PTPN14: variants seen among roughly 807,000 people sequenced by gnomAD.
PTPN14 encodes the protein protein tyrosine phosphatase non-receptor type 14, also known as tyrosine-protein phosphatase non-receptor type 14.
In PTPN14, 53 loss-of-function variants were observed where a neutral mutation model predicts 126.8. That is an observed-to-expected ratio of 0.42 (90% CI 0.34 to 0.53). The LOEUF (loss-of-function observed/expected upper bound fraction) is 0.53. Among genes scored for constraint, PTPN14 ranks in the 20% least tolerant of loss-of-function variants. The pLI is 0.08. For missense variants in PTPN14, 1,257 were observed against 1,552.9 expected, an observed-to-expected ratio of 0.81 and a Z score of 3.20; for synonymous variants, 630 against 599.3, an observed-to-expected ratio of 1.05 and a Z score of -0.75.
intron 1 of PTPN14, among the ~76,000 whole-genome samples, chr1:214,541,574 G>C (rs539496062): frequency 6.3e-4 from 96 of 152,270 alleles, no homozygotes; most frequent in African/African-American, 2.0e-3. Flanking sequence ...AACTCCAAGA[G>C]GGCTTTCGCA....
intron 1 of PTPN14, among the ~76,000 whole-genome samples, chr1:214,515,189 G>A (rs1175589447): frequency 6.6e-6 from 1 of 152,106 alleles, no homozygotes; most frequent in African/African-American, 2.4e-5. Context: ...CCTTATTTCA[G>A]TGATTAAAGA....
intron 3 of PTPN14, among the ~76,000 whole-genome samples, chr1:214,431,125 T>C (rs1237083406): frequency 6.6e-6 from 1 of 152,034 alleles, no homozygotes; most frequent in Non-Finnish European, 1.5e-5. Flanking sequence ...CACAGACAAG[T>C]AAAATAGGGC....
At chr1:214,387,688 A>AAG (rs1553260949) in intron 11 of PTPN14, among the ~76,000 whole-genome samples, 8 of 151,412 alleles carry the variant, frequency 5.3e-5, no homozygotes, top group Admixed American at 4.6e-4. Flanking sequence ...AAAAAAAAAA[A>AAG]AAAGAAAGAA....
chr1:214,479,594 C>T (rs376239135), intron 1 of PTPN14, among the ~76,000 whole-genome samples: 25 of 152,184 alleles, frequency 1.6e-4, no homozygotes, highest in African/African-American at 5.3e-4. Context: ...CCACCTCAGC[C>T]TCCCAAATTG....
At chr1:214,414,517 A>T in intron 4 of PTPN14, 112 bp downstream of exon 4, 1 of 933,956 alleles carries the variant, frequency 1.1e-6, no homozygotes, top group South Asian at 1.6e-5. Context: ...ATAAAAAGGG[A>T]GCATTACTAA....
chr1:214,488,310 T>C (rs1661159982), intron 1 of PTPN14, among the ~76,000 whole-genome samples: 1 of 152,224 alleles, frequency 6.6e-6, no homozygotes, highest in South Asian at 2.1e-4. Flanking sequence ...TCACGTACCT[T>C]GTAGGGGCCA....
intron 8 of PTPN14, among the ~76,000 whole-genome samples, chr1:214,396,311 C>G (rs1296150552): frequency 2.0e-5 from 3 of 152,136 alleles, no homozygotes; most frequent in Non-Finnish European, 4.4e-5. Flanking sequence ...GGGTTTCCAG[C>G]CTTTCCTCCA....
rs1239907153 is a variant in PTPN14 at position 214,353,481 on chromosome 1, A to G, written c.*4441T>C. 2 of 152,212 alleles carry G rather than the reference A, an allele frequency of 1.3e-5. No homozygotes were observed. Among genetic ancestry groups the G allele is most frequent in the Non-Finnish European group, 2.9e-5 (2 of 68,034 alleles). 9.4% of individuals were successfully genotyped at this position (152,212 alleles called of 1,614,324 possible). On this transcript the variant is annotated 3_prime_UTR_variant, in exon 19 of 19. Transcript: ENST00000366956. ...TGGAACCCACAGATAGGGGTGGTCAACTGTACTCATCTTCACCATCGAATA... is the reference window on the plus strand; with the variant it reads ...TGGAACCCACAGATAGGGGTGGTCAGCTGTACTCATCTTCACCATCGAATA...
intron 15 of PTPN14, among the ~76,000 whole-genome samples, chr1:214,373,101 CG>C (rs1658257410): frequency 6.6e-6 from 1 of 152,128 alleles, no homozygotes. Context: ...GCTGCTTAGG[CG>C]GGAGTACAGT....
intron 3 of PTPN14, among the ~76,000 whole-genome samples, chr1:214,437,860 G>A (rs1352150780): frequency 1.3e-5 from 2 of 152,164 alleles, no homozygotes; most frequent in Admixed American, 1.3e-4. Context: ...AAGACATCAG[G>A]ATACAGTTGT....
chr1:214,395,789 T>TC (rs1189840611), intron 8 of PTPN14, among the ~76,000 whole-genome samples: 1 of 152,040 alleles, frequency 6.6e-6, no homozygotes, highest in Non-Finnish European at 1.5e-5. Flanking sequence ...AACCTGTAAT[T>TC]CCCTGCCACC....
intron 3 of PTPN14, among the ~76,000 whole-genome samples, chr1:214,450,699 T>C (rs953982195): frequency 1.3e-5 from 2 of 152,194 alleles, no homozygotes; most frequent in African/African-American, 4.8e-5. Context: ...AAAGGGTTTA[T>C]GTGATTCCTT....
chr1:214,488,907 A>G (rs1661172381), intron 1 of PTPN14, among the ~76,000 whole-genome samples: 1 of 152,240 alleles, frequency 6.6e-6, no homozygotes, highest in South Asian at 2.1e-4. Flanking sequence ...AATACATTTC[A>G]TCAAAATGAA....
intron 1 of PTPN14, among the ~76,000 whole-genome samples, chr1:214,533,618 T>C (rs1209481497): frequency 6.6e-6 from 1 of 150,424 alleles, no homozygotes; most frequent in Non-Finnish European, 1.5e-5. Flanking sequence ...GATCACGAGG[T>C]CAGGAAATCA....
intron 1 of PTPN14, chr1:214,482,727 T>G: frequency 7.4e-7 from 1 of 1,360,394 alleles, no homozygotes; most frequent in South Asian, 1.4e-5. Flanking sequence ...TCTCCTCCTC[T>G]ATTTTTGGTA....
intron 1 of PTPN14, chr1:214,483,027 C>T (rs1427884754): frequency 1.3e-6 from 2 of 1,596,438 alleles, no homozygotes; most frequent in South Asian, 1.1e-5. Context: ...ACTATTTCTG[C>T]AAGAATACTG....
chr1:214,426,594 T>A (rs933818114), intron 3 of PTPN14, among the ~76,000 whole-genome samples: 2 of 152,004 alleles, frequency 1.3e-5, no homozygotes, highest in African/African-American at 2.4e-5. Context: ...AACCTTTTGT[T>A]TAGGACATGG....
intron 1 of PTPN14, among the ~76,000 whole-genome samples, chr1:214,465,232 A>G (rs1484096030): frequency 2.0e-5 from 3 of 152,234 alleles, no homozygotes; most frequent in African/African-American, 4.8e-5. Context: ...TGCACAGTGT[A>G]AATGGCAATG....
intron 1 of PTPN14, among the ~76,000 whole-genome samples, chr1:214,502,535 T>A (rs1040578020): frequency 6.6e-6 from 1 of 152,216 alleles, no homozygotes; most frequent in Non-Finnish European, 1.5e-5. Context: ...TTTATTTATT[T>A]ATTTTTAGAG....
Sources: gnomAD v4.1 joint callset for allele counts (sites outside exome capture counted in the v4.1 genomes callset) on GRCh38, gnomAD v4.1.1 for gene constraint, MANE v1.5 for transcripts, NCBI Gene and HGNC (gene_info 2026-07-23, HGNC 2026-07-21) for gene names.